The following HPSE2 variants were observed in gnomAD, a reference collection of about 807,000 sequenced individuals.
HPSE2 encodes heparanase 2 (inactive), also known as inactive heparanase-2.
Under a neutral mutation model 60.5 loss-of-function variants are expected in HPSE2, and 38 were observed. That is an observed-to-expected ratio of 0.63 (90% CI 0.48 to 0.82). The LOEUF (loss-of-function observed/expected upper bound fraction) is 0.82. HPSE2 is among the 40% of genes least tolerant of loss of function. HPSE2 has a pLI of 0.00. For synonymous variants in HPSE2, 295 were observed against 293.2 expected (o/e 1.01, Z -0.06); for missense variants, 713 against 740.4 (o/e 0.96, Z 0.43).
At chr10:98,969,734 T>C (rs1955903344) in intron 3 of HPSE2, among the ~76,000 whole-genome samples, 1 of 152,188 alleles carries the variant, frequency 6.6e-6, no homozygotes, top group Non-Finnish European at 1.5e-5. Flanking sequence ...AGGTCCTGTG[T>C]TAGGCCATTC....
the HPSE2 span, among the ~76,000 whole-genome samples, chr10:99,302,790 C>G: frequency 2.6e-5 from 4 of 151,808 alleles, no homozygotes; most frequent in African/African-American, 9.7e-5. Context: ...GGCCTATGAA[C>G]TTTGTGCCTG....
intron 3 of HPSE2, among the ~76,000 whole-genome samples, chr10:98,867,896 C>T (rs191758204): frequency 2.9e-4 from 44 of 151,952 alleles, no homozygotes; most frequent in African/African-American, 1.0e-3. Flanking sequence ...CCTGTCTCTA[C>T]TAAAAATACA....
At position 98,458,515 on chromosome 10, in the gene HPSE2, T is replaced by G. The variant is rs1940141950; in HGVS notation, c.*1059A>C. The G allele has an allele frequency of 6.6e-6, 1 of 152,214 alleles. No homozygotes were observed. Among genetic ancestry groups the G allele is most frequent in the African/African-American group, 2.4e-5 (1 of 41,452 alleles). The allele number at this position is 152,214 out of a possible 1,614,324, so 9.4% of individuals were successfully genotyped here. A position where few individuals can be genotyped will look rare whatever the true frequency, so the allele number is the denominator to read the frequency against. Reference sequence around the variant, plus strand: ...TTTTGTTCTAGCTCAAATAGGCTACTTGGGAAGAGGCAAAAAGGTTAGATT... The same window carrying G: ...TTTTGTTCTAGCTCAAATAGGCTACGTGGGAAGAGGCAAAAAGGTTAGATT... On this transcript the variant is annotated 3_prime_UTR_variant, in exon 12 of 12. Transcript: ENST00000370552.
intron 3 of HPSE2, among the ~76,000 whole-genome samples, chr10:98,827,030 A>T (rs560540904): frequency 8.5e-5 from 13 of 152,132 alleles, no homozygotes; most frequent in Admixed American, 8.5e-4. Flanking sequence ...ATATGCCTGT[A>T]TTCTCAGCTA....
At chr10:99,259,300 C>A in the HPSE2 span, among the ~76,000 whole-genome samples, 4 of 83,838 alleles carry the variant, frequency 4.8e-5, no homozygotes, top group South Asian at 5.5e-4. Flanking sequence ...GAGCAAAACC[C>A]CCCCCACCAA....
chr10:98,540,073 T>C (rs1362323797), intron 9 of HPSE2, among the ~76,000 whole-genome samples: 1 of 152,158 alleles, frequency 6.6e-6, no homozygotes, highest in Non-Finnish European at 1.5e-5. Context: ...AGAAATAAAG[T>C]TGGTATGAGT....
At chr10:99,180,623 G>A (rs1847721764) in intron 2 of HPSE2, among the ~76,000 whole-genome samples, 1 of 152,064 alleles carries the variant, frequency 6.6e-6, no homozygotes, top group Non-Finnish European at 1.5e-5. Flanking sequence ...GGTGGCTCAT[G>A]CCTGTAATCC....
intron 2 of HPSE2, among the ~76,000 whole-genome samples, chr10:99,171,499 C>T (rs1847307296): frequency 6.6e-6 from 1 of 152,142 alleles, no homozygotes; most frequent in Admixed American, 6.5e-5. Context: ...TCTTACTCCT[C>T]ACCCTAAACA....
chr10:98,530,487 T>G (rs559782802), intron 9 of HPSE2, among the ~76,000 whole-genome samples: 1 of 152,280 alleles, frequency 6.6e-6, no homozygotes, highest in Non-Finnish European at 1.5e-5. Context: ...CTTCAATGGG[T>G]TAACTTTGAC....
At chr10:98,953,753 A>G (rs10883230) in intron 3 of HPSE2, among the ~76,000 whole-genome samples, 73,057 of 151,936 alleles carry the variant, frequency 0.48, 19,676 homozygotes, top group East Asian at 0.62. Flanking sequence ...TTAAAAACAC[A>G]GGCTTTAGAG....
At position 98,701,011 on chromosome 10, in the gene HPSE2, G is replaced by C. The variant is rs1160503433; in HGVS notation, c.957-7064C>G. Among the ~76,000 whole-genome samples the C allele has an allele frequency of 3.7e-4, 24 of 65,020 alleles. 6 individuals carry two copies. Among genetic ancestry groups the C allele is most frequent in the Non-Finnish European group, 1.0e-3 (24 of 23,436 alleles). The allele number at this position is 65,020 out of a possible 152,430, so 42.7% of individuals were successfully genotyped here. A position where few individuals can be genotyped will look rare whatever the true frequency, so the allele number is the denominator to read the frequency against. On this transcript the variant is annotated intron_variant, in intron 5 of 11. Transcript: ENST00000370552. Reference sequence around the variant, plus strand: ...AACAACAGGTGCTGGAGAGGATGTGGAGAAATAGGAACACTTTTACACTGT... The same window carrying C: ...AACAACAGGTGCTGGAGAGGATGTGCAGAAATAGGAACACTTTTACACTGT...
chr10:99,232,551 G>A (rs367860535), intron 1 of HPSE2, 46 bp from the exon 2 acceptor site: 35 of 1,544,640 alleles, frequency 2.3e-5, no homozygotes, highest in Non-Finnish European at 3.0e-5. Context: ...AGGACAGGAC[G>A]AGAGCGCGTG....
chr10:98,996,890 A>T (rs1412719779), intron 3 of HPSE2, among the ~76,000 whole-genome samples: 1 of 152,144 alleles, frequency 6.6e-6, no homozygotes, highest in Non-Finnish European at 1.5e-5. Flanking sequence ...ACTGGGAAGG[A>T]GCATAAGGAA....
At chr10:98,465,006 GT>G (rs1392949366) in intron 11 of HPSE2, among the ~76,000 whole-genome samples, 1 of 152,152 alleles carries the variant, frequency 6.6e-6, no homozygotes, top group Non-Finnish European at 1.5e-5. Flanking sequence ...TGTGAATAAG[GT>G]TTTGTGAGAC....
Position 98,848,922 on chromosome 10 carries a change from T to C in HPSE2, c.611-104866A>G, listed in dbSNP as rs892866943. Among the ~76,000 whole-genome samples, 6 of 152,170 alleles carry C rather than the reference T, an allele frequency of 3.9e-5. 1 individual carries two copies. Among genetic ancestry groups the C allele is most frequent in the Admixed American group, 6.5e-5 (1 of 15,268 alleles). ...CACTTTTTCATCTCATAAGACATTG[T>C]TGAGGGCCAGCTATATTGAAAGTAC... On this transcript the variant is annotated intron_variant, in intron 3 of 11. Coordinates refer to ENST00000370552, the MANE Select transcript of HPSE2 (RefSeq NM_021828.5).
intron 11 of HPSE2, among the ~76,000 whole-genome samples, chr10:98,464,961 G>A (rs140609423): frequency 1.5e-3 from 230 of 152,094 alleles, no homozygotes; most frequent in African/African-American, 5.3e-3. Flanking sequence ...AGATCTATGC[G>A]ACCATCTCTT....
chr10:98,605,479 A>G (rs1265413484), intron 9 of HPSE2, among the ~76,000 whole-genome samples: 1 of 152,224 alleles, frequency 6.6e-6, no homozygotes, highest in African/African-American at 2.4e-5. Flanking sequence ...TTGTAAAGAT[A>G]CTAAAAAACG....
At chr10:98,504,436 T>C (rs1181595681) in intron 9 of HPSE2, among the ~76,000 whole-genome samples, 1 of 152,204 alleles carries the variant, frequency 6.6e-6, no homozygotes, top group Non-Finnish European at 1.5e-5. Flanking sequence ...CAGCAGACTA[T>C]ATGTAACTTA....
intron 3 of HPSE2, among the ~76,000 whole-genome samples, chr10:98,772,698 C>G (rs572875650): frequency 5.9e-5 from 9 of 152,140 alleles, no homozygotes; most frequent in Middle Eastern, 3.4e-3. Flanking sequence ...AAATTAGATG[C>G]CTATTACTTA....
Sources: gnomAD v4.1 joint callset for allele counts (sites outside exome capture counted in the v4.1 genomes callset) on GRCh38, gnomAD v4.1.1 for gene constraint, MANE v1.5 for transcripts, NCBI Gene and HGNC (gene_info 2026-07-23, HGNC 2026-07-21) for gene names.